Variants in VPS13B observed in about 807,000 individuals in gnomAD.
The protein encoded by VPS13B is vacuolar protein sorting 13 homolog B.
Under a neutral mutation model 426.4 loss-of-function variants are expected in VPS13B, and 285 were observed. That is an observed-to-expected ratio of 0.67 (90% CI 0.61 to 0.74). VPS13B has a LOEUF of 0.74. Among genes scored for constraint, VPS13B ranks in the 30% least tolerant of loss-of-function variants. The probability of loss-of-function intolerance (pLI) is 0.00; values close to 1 mark genes in which losing one functional copy is unlikely to be tolerated. For synonymous variants in VPS13B, 1,676 were observed against 1,676.4 expected (o/e 1.00, Z 0.01); for missense variants, 4,537 against 4,782.6 (o/e 0.95, Z 1.51).
intron 56 of VPS13B, among the ~76,000 whole-genome samples, chr8:99,856,680 A>G (rs1030769413): frequency 6.6e-6 from 1 of 152,106 alleles, no homozygotes; most frequent in Non-Finnish European, 1.5e-5. Context: ...GTCTCTACTA[A>G]AATACAAAAA....
intron 34 of VPS13B, among the ~76,000 whole-genome samples, chr8:99,646,755 A>T (rs1462140446): frequency 6.6e-6 from 1 of 152,046 alleles, no homozygotes; most frequent in Non-Finnish European, 1.5e-5. Flanking sequence ...GTGATAAGTA[A>T]GTTCTTGCTC....
At chr8:99,057,762 T>G (rs1248108154) in intron 3 of VPS13B, among the ~76,000 whole-genome samples, 1 of 152,182 alleles carries the variant, frequency 6.6e-6, no homozygotes, top group Non-Finnish European at 1.5e-5. Flanking sequence ...AATTCCACTG[T>G]GTGCTTTCAA....
intron 34 of VPS13B, among the ~76,000 whole-genome samples, chr8:99,658,987 G>A (rs371363165): frequency 1.9e-4 from 29 of 151,912 alleles, no homozygotes; most frequent in East Asian, 5.8e-4. Context: ...GTGCCACCAC[G>A]CCCAGCTAAA....
At chr8:99,805,051 A>T (rs1257058729) in intron 43 of VPS13B, among the ~76,000 whole-genome samples, 1 of 149,374 alleles carries the variant, frequency 6.7e-6, no homozygotes, top group African/African-American at 2.5e-5. Context: ...AATAATATAT[A>T]AAAATATATT....
chr8:99,548,052 A>G (rs1824084170), intron 30 of VPS13B, among the ~76,000 whole-genome samples: 1 of 152,110 alleles, frequency 6.6e-6, no homozygotes, highest in Non-Finnish European at 1.5e-5. Flanking sequence ...AGATGTTTAC[A>G]TTGTATTTTT....
intron 12 of VPS13B, among the ~76,000 whole-genome samples, chr8:99,139,386 C>A (rs888775778): frequency 2.6e-5 from 4 of 151,574 alleles, no homozygotes; most frequent in African/African-American, 9.7e-5. Flanking sequence ...TTGAACCCAA[C>A]CTATCCAGCT....
At chr8:99,757,091 T>C (rs757446078) in intron 39 of VPS13B, among the ~76,000 whole-genome samples, 3 of 152,220 alleles carry the variant, frequency 2.0e-5, no homozygotes, top group Non-Finnish European at 4.4e-5. Flanking sequence ...CTGCCATCAC[T>C]ACCTGCTACT....
chr8:99,170,223 A>C, intron 16 of VPS13B, 60 bp downstream of exon 16: 15 of 1,580,860 alleles, frequency 9.5e-6, no homozygotes, highest in Non-Finnish European at 1.2e-5. Flanking sequence ...GAGGGAAAAA[A>C]CCCCCAAATG....
chr8:99,534,952 A>G (rs551485149), intron 30 of VPS13B, among the ~76,000 whole-genome samples: 95 of 152,314 alleles, frequency 6.2e-4, no homozygotes, highest in African/African-American at 2.1e-3. Context: ...ACCAACTTCA[A>G]GTGTGAGAAA....
intron 19 of VPS13B, among the ~76,000 whole-genome samples, chr8:99,321,698 T>A (rs1356225316): frequency 6.6e-6 from 1 of 152,208 alleles, no homozygotes; most frequent in African/African-American, 2.4e-5. Context: ...ATTTTAAATT[T>A]GTATTTGAAT....
intron 17 of VPS13B, among the ~76,000 whole-genome samples, chr8:99,197,232 T>C (rs1035047761): frequency 6.6e-6 from 1 of 152,228 alleles, no homozygotes; most frequent in Non-Finnish European, 1.5e-5. Context: ...TAATATTTTG[T>C]TGAGAATTTT....
chr8:99,337,091 T>C (rs190911448), intron 19 of VPS13B, among the ~76,000 whole-genome samples: 13 of 152,098 alleles, frequency 8.5e-5, no homozygotes, highest in African/African-American at 3.1e-4. Flanking sequence ...CTATTCACAA[T>C]AGCAAAGACT....
At chr8:99,107,460 G>T (rs2132470136) in intron 5 of VPS13B, among the ~76,000 whole-genome samples, 1 of 151,436 alleles carries the variant, frequency 6.6e-6, no homozygotes, top group African/African-American at 2.4e-5. Flanking sequence ...TAAAATAATT[G>T]GGCCATCTAT....
rs562696008 is a variant in VPS13B, at chr8:99,696,717, C to T, written c.6047-2808C>T. 9.7e-6 allele frequency: 9 copies of T among 923,602 alleles called. No homozygotes were observed. The East Asian group carries it at 1.2e-4, about 13-fold the overall frequency. 57.2% of individuals were successfully genotyped at this position (923,602 alleles called of 1,614,324 possible). On this transcript the variant is annotated intron_variant, in intron 35 of 61. Transcript: ENST00000357162. ...CAAGGGCAGTGCCACCAGACTTCTC[C>T]GTTTTCCCAGAAGATCCGGGGGATG...
chr8:99,481,444 C>T (rs1820033572), intron 24 of VPS13B, among the ~76,000 whole-genome samples, 155 bp from the exon 25 acceptor site: 1 of 152,202 alleles, frequency 6.6e-6, no homozygotes, highest in East Asian at 1.9e-4. Flanking sequence ...AAGCAAATTT[C>T]AAGTGTAAGT....
intron 2 of VPS13B, among the ~76,000 whole-genome samples, chr8:99,027,455 C>T (rs1842199456): frequency 6.6e-6 from 1 of 151,910 alleles, no homozygotes; most frequent in African/African-American, 2.4e-5. Context: ...GAGATTGACA[C>T]TTCTTCATGT....
intron 19 of VPS13B, among the ~76,000 whole-genome samples, chr8:99,313,574 C>T (rs1230759286): frequency 2.0e-5 from 3 of 152,104 alleles, no homozygotes; most frequent in Admixed American, 6.5e-5. Flanking sequence ...GTCAGTCTGC[C>T]CTTACTGGAG....
chr8:99,304,099 G>A (rs1820515614), intron 19 of VPS13B, among the ~76,000 whole-genome samples: 1 of 151,994 alleles, frequency 6.6e-6, no homozygotes, highest in African/African-American at 2.4e-5. Context: ...TTGAATCTTT[G>A]GTAACTTTGT....
chr8:99,234,470 C>A, intron 17 of VPS13B: 4 of 557,680 alleles, frequency 7.2e-6, no homozygotes, highest in South Asian at 4.4e-5. Context: ...TTGGCCTCGC[C>A]GCCGCCCCGC....
Sources: gnomAD v4.1 joint callset for allele counts (sites outside exome capture counted in the v4.1 genomes callset) on GRCh38, gnomAD v4.1.1 for gene constraint, MANE v1.5 for transcripts, NCBI Gene and HGNC (gene_info 2026-07-23, HGNC 2026-07-21) for gene names.